The following COX10 variants were observed in gnomAD, a reference collection of about 807,000 sequenced individuals.
COX10 encodes the protein protoheme IX farnesyltransferase, mitochondrial.
COX10 carries 27 observed loss-of-function variants against 37.3 expected under a neutral mutation model. That is an observed-to-expected ratio of 0.72 (90% CI 0.53 to 1.00). COX10 has a LOEUF of 1.00. Among genes scored for constraint, COX10 ranks in the 50% least tolerant of loss-of-function variants. The pLI, the probability that COX10 is intolerant of heterozygous loss-of-function variation, is 0.00. For synonymous variants in COX10, 222 were observed against 229.1 expected, an observed-to-expected ratio of 0.97 and a Z score of 0.28; for missense variants, 475 against 563.2, an observed-to-expected ratio of 0.84 and a Z score of 1.59.
At chr17:14,149,867 G>A (rs1273266513) in intron 4 of COX10, among the ~76,000 whole-genome samples, 1 of 152,142 alleles carries the variant, frequency 6.6e-6, no homozygotes, top group Non-Finnish European at 1.5e-5. Flanking sequence ...GCAATCCCAA[G>A]AGCCTGAGTA....
At chr17:14,099,803 A>G (rs1380260170) in intron 3 of COX10, among the ~76,000 whole-genome samples, 2 of 151,828 alleles carry the variant, frequency 1.3e-5, no homozygotes, top group South Asian at 2.1e-4. Context: ...CTTTAGTTTC[A>G]TATTTCGTCT....
intron 4 of COX10, among the ~76,000 whole-genome samples, chr17:14,107,771 G>T (rs754941810): frequency 7.9e-5 from 12 of 152,004 alleles, no homozygotes; most frequent in Non-Finnish European, 4.4e-5. Flanking sequence ...CTTGATGACT[G>T]ATCTCCTTAG....
intron 6 of COX10, among the ~76,000 whole-genome samples, chr17:14,194,457 C>T (rs62052072): frequency 2.6e-5 from 4 of 152,112 alleles, no homozygotes; most frequent in East Asian, 1.9e-4. Context: ...GATGGCGTCT[C>T]GCTCTGTCGC....
At chr17:14,121,916 G>T (rs779221099) in intron 4 of COX10, among the ~76,000 whole-genome samples, 75 of 152,088 alleles carry the variant, frequency 4.9e-4, no homozygotes, top group Admixed American at 5.2e-4. Context: ...AGGGAAGCTG[G>T]GAAGCATACA....
chr17:14,112,671 C>G (rs1017339589), intron 4 of COX10, among the ~76,000 whole-genome samples: 1 of 152,070 alleles, frequency 6.6e-6, no homozygotes, highest in Non-Finnish European at 1.5e-5. Flanking sequence ...GTGAAGGTCA[C>G]GAAAGCTTCT....
intron 4 of COX10, among the ~76,000 whole-genome samples, chr17:14,141,536 A>C (rs1467315087): frequency 2.7e-5 from 4 of 150,448 alleles, no homozygotes; most frequent in Admixed American, 1.3e-4. Context: ...TCTCAAAAAA[A>C]AAAAAAAAAA....
chr17:14,149,267 G>A (rs1303580838), intron 4 of COX10, among the ~76,000 whole-genome samples: 2 of 151,876 alleles, frequency 1.3e-5, no homozygotes, highest in Non-Finnish European at 2.9e-5. Flanking sequence ...ATATCAATTA[G>A]TGCCCTTCAG....
chr17:14,203,456 A>AT (rs929622681), intron 6 of COX10, among the ~76,000 whole-genome samples: 43 of 152,260 alleles, frequency 2.8e-4, no homozygotes, highest in African/African-American at 1.0e-3. Flanking sequence ...ACCCACACAA[A>AT]TTCCGCTTGA....
intron 4 of COX10, among the ~76,000 whole-genome samples, chr17:14,135,431 G>A (rs1401710899): frequency 6.6e-6 from 1 of 151,804 alleles, no homozygotes; most frequent in Non-Finnish European, 1.5e-5. Context: ...CGTGTATAAA[G>A]AATCACCTGG....
chr17:14,166,934 A>G (rs1905307145), intron 5 of COX10, among the ~76,000 whole-genome samples: 1 of 151,456 alleles, frequency 6.6e-6, no homozygotes, highest in Admixed American at 6.6e-5. Flanking sequence ...TTTTAGTTGT[A>G]TTTAAGAAAT....
intron 3 of COX10, among the ~76,000 whole-genome samples, chr17:14,089,364 G>A (rs1915476314): frequency 6.6e-6 from 1 of 152,214 alleles, no homozygotes; most frequent in Non-Finnish European, 1.5e-5. Flanking sequence ...TTGTGGATGT[G>A]TACTGATCTG....
At chr17:14,080,049 T>TA (rs1915252232) in intron 3 of COX10, among the ~76,000 whole-genome samples, 1 of 152,102 alleles carries the variant, frequency 6.6e-6, no homozygotes, top group Non-Finnish European at 1.5e-5. Context: ...GCAACTCTGT[T>TA]ACTTTTACGT....
chr17:14,074,675 T>C (rs1915102988), intron 2 of COX10, among the ~76,000 whole-genome samples: 2 of 152,230 alleles, frequency 1.3e-5, no homozygotes, highest in African/African-American at 2.4e-5. Context: ...CCTGAACTTA[T>C]TGATTAAGTT....
At chr17:14,161,442 A>G (rs1241884726) in intron 5 of COX10, among the ~76,000 whole-genome samples, 2 of 152,204 alleles carry the variant, frequency 1.3e-5, no homozygotes, top group African/African-American at 2.4e-5. Context: ...TGCCAGGTTA[A>G]CAAGGGGTGA....
At chr17:14,110,284 T>C (rs181915618) in intron 4 of COX10, among the ~76,000 whole-genome samples, 8 of 152,274 alleles carry the variant, frequency 5.3e-5, no homozygotes, top group Non-Finnish European at 1.5e-5. Flanking sequence ...TATATACTTG[T>C]TTATGAATTC....
intron 4 of COX10, among the ~76,000 whole-genome samples, chr17:14,119,467 A>G (rs1443715552): frequency 6.6e-6 from 1 of 152,190 alleles, no homozygotes; most frequent in African/African-American, 2.4e-5. Flanking sequence ...CTCTCAGTGG[A>G]CCTATTGCCT....
chr17:14,072,417 C>T (rs1269723089), intron 1 of COX10, among the ~76,000 whole-genome samples: 1 of 152,144 alleles, frequency 6.6e-6, no homozygotes, highest in Non-Finnish European at 1.5e-5. Context: ...GACGGGGTTT[C>T]ACTGTGTTGG....
chr17:14,154,712 A>G (rs1452428647), intron 4 of COX10, among the ~76,000 whole-genome samples: 1 of 152,234 alleles, frequency 6.6e-6, no homozygotes, highest in African/African-American at 2.4e-5. Context: ...GCTACAGTCC[A>G]TCACTTACAC....
chr17:14,120,608 A>G (rs982223878), intron 4 of COX10, among the ~76,000 whole-genome samples: 17 of 152,258 alleles, frequency 1.1e-4, no homozygotes, highest in African/African-American at 3.9e-4. Flanking sequence ...GGTCTGTTGG[A>G]TGGGGAAGCC....
Sources: gnomAD v4.1 joint callset for allele counts (sites outside exome capture counted in the v4.1 genomes callset) on GRCh38, gnomAD v4.1.1 for gene constraint, MANE v1.5 for transcripts, NCBI Gene and HGNC (gene_info 2026-07-23, HGNC 2026-07-21) for gene names.